Variants in REC114 observed in about 807,000 individuals in gnomAD.
The protein encoded by REC114 is meiotic recombination protein REC114.
REC114 carries 27 observed loss-of-function variants against 31.3 expected under a neutral mutation model. That is an observed-to-expected ratio of 0.86 (90% CI 0.64 to 1.19). The LOEUF is 1.19. Among genes scored for constraint, REC114 ranks in the 50% most tolerant of loss-of-function variants. REC114 has a pLI of 0.00. For missense variants in REC114, 344 were observed against 326.9 expected (o/e 1.05, Z -0.40); for synonymous variants, 134 against 127.7 (o/e 1.05, Z -0.33).
At chr15:73,500,657 T>C (rs1893591487) in intron 2 of REC114, among the ~76,000 whole-genome samples, 2 of 152,294 alleles carry the variant, frequency 1.3e-5, no homozygotes, top group Admixed American at 1.3e-4. Context: ...TATAATACTT[T>C]GCTGTATATA....
intron 1 of REC114, among the ~76,000 whole-genome samples, chr15:73,470,870 A>G (rs886993573): frequency 2.6e-5 from 4 of 152,158 alleles, no homozygotes; most frequent in Non-Finnish European, 5.9e-5. Flanking sequence ...TTCAGATAGA[A>G]CAGCAATTGT....
rs1201210253 is a variant in REC114, at chr15:73,551,013, G to A, written c.409G>A (p.Val137Ile). The A allele has an allele frequency of 1.9e-6, 3 of 1,613,922 alleles. No homozygotes were observed. The highest frequency in any genetic ancestry group is 2.5e-6 in the Non-Finnish European group (3 of 1,179,852). ...GGCGCTGGAACACTGCTGCAGTTGT[G>A]TTCAGAAGCTGGCACAATACATAAC... ...EQALEHCCSC[V>I]QKLAQYITVQ... The change falls in exon 4 of 6, where the codon GTT becomes ATT. Residue 137 changes from valine to isoleucine, a missense_variant. Physicochemically the swap from Val to Ile is conservative, Grantham distance 29. Transcript: ENST00000331090.
chr15:73,554,623 A>T (rs1355523583), intron 4 of REC114, among the ~76,000 whole-genome samples: 1 of 152,184 alleles, frequency 6.6e-6, no homozygotes, highest in Admixed American at 6.5e-5. Flanking sequence ...GATGGGAAAG[A>T]CAGTTAAGAG....
intron 2 of REC114, among the ~76,000 whole-genome samples, chr15:73,521,029 C>T (rs1268827490): frequency 6.6e-6 from 1 of 152,118 alleles, no homozygotes; most frequent in Admixed American, 6.5e-5. Flanking sequence ...AAGGTGTGCA[C>T]AAGATGTTAC....
chr15:73,445,327 A>G (rs551089047), intron 1 of REC114, among the ~76,000 whole-genome samples: 1 of 152,270 alleles, frequency 6.6e-6, no homozygotes, highest in South Asian at 2.1e-4. Context: ...ATCAGATCAG[A>G]CTTTGGCTTA....
chr15:73,475,028 T>G (rs1893191923), intron 2 of REC114, among the ~76,000 whole-genome samples: 1 of 152,228 alleles, frequency 6.6e-6, no homozygotes, highest in Non-Finnish European at 1.5e-5. Flanking sequence ...TTTCTTCAGC[T>G]GCTAATGAGT....
chr15:73,556,189 CTT>C, intron 4 of REC114, 111 bp from the exon 5 acceptor site: 1 of 865,346 alleles, frequency 1.2e-6, no homozygotes, highest in Non-Finnish European at 1.8e-6. Context: ...TTTTATCACT[CTT>C]AGTGGTATTT....
intron 3 of REC114, among the ~76,000 whole-genome samples, chr15:73,548,681 C>T (rs972794038): frequency 3.9e-5 from 6 of 152,144 alleles, no homozygotes; most frequent in African/African-American, 4.8e-5. Context: ...CCAGCAATCC[C>T]GTTACTTGGT....
intron 2 of REC114, among the ~76,000 whole-genome samples, chr15:73,479,402 A>G (rs527813921): frequency 6.6e-6 from 1 of 151,820 alleles, no homozygotes; most frequent in African/African-American, 2.4e-5. Context: ...ACGAATTAAC[A>G]TATCGTTACC....
intron 2 of REC114, among the ~76,000 whole-genome samples, chr15:73,480,135 A>G (rs763263321): frequency 2.7e-4 from 41 of 152,300 alleles, no homozygotes; most frequent in Admixed American, 9.8e-4. Context: ...CATCCTAAGA[A>G]GTATGAGGGA....
chr15:73,446,292 T>A (rs1892763870), intron 1 of REC114, among the ~76,000 whole-genome samples: 1 of 152,212 alleles, frequency 6.6e-6, no homozygotes, highest in Admixed American at 6.5e-5. Flanking sequence ...CACACATGCA[T>A]ACATGTTTGT....
At chr15:73,445,707 G>A (rs1892754725) in intron 1 of REC114, among the ~76,000 whole-genome samples, 1 of 152,132 alleles carries the variant, frequency 6.6e-6, no homozygotes, top group African/African-American at 2.4e-5. Context: ...GAGAGACAGA[G>A]CAAAGGCTGG....
At chr15:73,505,673 A>G (rs1893666518) in intron 2 of REC114, among the ~76,000 whole-genome samples, 1 of 152,098 alleles carries the variant, frequency 6.6e-6, no homozygotes, top group East Asian at 1.9e-4. Flanking sequence ...CTGGGACTAC[A>G]GGCGCCCGCC....
At chr15:73,467,124 T>C (rs895517150) in intron 1 of REC114, among the ~76,000 whole-genome samples, 3 of 152,200 alleles carry the variant, frequency 2.0e-5, no homozygotes, top group South Asian at 4.1e-4. Flanking sequence ...TAGACAACAA[T>C]TTAAGAATAA....
chr15:73,473,792 G>A (rs778911797), intron 1 of REC114, 40 bp from the exon 2 acceptor site: 3 of 1,141,562 alleles, frequency 2.6e-6, no homozygotes, highest in East Asian at 2.5e-5. Flanking sequence ...TTATAGAAAT[G>A]TATTATCTTT....
At chr15:73,557,406 C>A (rs1185935047) in intron 5 of REC114, among the ~76,000 whole-genome samples, 3 of 131,884 alleles carry the variant, frequency 2.3e-5, no homozygotes, top group Non-Finnish European at 3.2e-5. Flanking sequence ...ACTGTACTAT[C>A]AGTAGTTTAA....
At chr15:73,514,047 G>A (rs1207513485) in intron 2 of REC114, among the ~76,000 whole-genome samples, 2 of 152,126 alleles carry the variant, frequency 1.3e-5, no homozygotes, top group African/African-American at 4.8e-5. Flanking sequence ...CCCCAGCCTC[G>A]CTGCTGCCTT....
intron 1 of REC114, among the ~76,000 whole-genome samples, chr15:73,462,591 A>G (rs1258371494): frequency 6.6e-6 from 1 of 152,174 alleles, no homozygotes; most frequent in African/African-American, 2.4e-5. Flanking sequence ...TAGCTTTAAG[A>G]ATTACCAACT....
intron 1 of REC114, among the ~76,000 whole-genome samples, chr15:73,467,250 A>G (rs1027476160): frequency 6.6e-6 from 1 of 152,246 alleles, no homozygotes; most frequent in Non-Finnish European, 1.5e-5. Context: ...GAGTATTTTT[A>G]TCACTGACAT....
Sources: gnomAD v4.1 joint callset for allele counts (sites outside exome capture counted in the v4.1 genomes callset) on GRCh38, gnomAD v4.1.1 for gene constraint, MANE v1.5 for transcripts, NCBI Gene and HGNC (gene_info 2026-07-23, HGNC 2026-07-21) for gene names.